HHIPL1: variants seen among roughly 807,000 people sequenced by gnomAD.
HHIPL1 encodes the protein HHIP-like protein 1.
Under a neutral mutation model 61.8 loss-of-function variants are expected in HHIPL1, and 43 were observed. The ratio of observed to expected loss-of-function variants is 0.70; its 90% CI spans 0.55 to 0.90. The LOEUF (loss-of-function observed/expected upper bound fraction) is 0.90. Ranked by LOEUF, HHIPL1 falls within the 40% of genes least tolerant of loss-of-function variation. HHIPL1 has a pLI of 0.00. For missense variants in HHIPL1, 1,056 were observed against 1,157.7 expected, an observed-to-expected ratio of 0.91 and a Z score of 1.28; for synonymous variants, 482 against 515.8, an observed-to-expected ratio of 0.93 and a Z score of 0.89.
In HHIPL1 at chr14:99,668,235, C is replaced by T. The variant is rs1200224720; in HGVS notation, c.1662C>T (p.Phe554=). Residue 554 remains phenylalanine, a synonymous_variant, in exon 7 of 9, where the codon TTC becomes TTT. Coordinates refer to ENST00000330710, the MANE Select transcript of HHIPL1 (RefSeq NM_001127258.3). This position sits in a 1 kb window ranked among gnomAD's most constrained non-coding sequence, Gnocchi z 4.7. ...TTCTGTCCAAAGGGGAGCTGTACTTCATGTCGACAGGGGAGCCGAGTGCCA... is the reference window on the plus strand; with the variant it reads ...TTCTGTCCAAAGGGGAGCTGTACTTTATGTCGACAGGGGAGCCGAGTGCCA... ...FGEDEAGELY[F]MSTGEPSATA... is the part of the protein sequence containing the mutation. The T allele has an allele frequency of 3.1e-6, 5 of 1,609,868 alleles. No individual in the cohort carries two copies. In the African/African-American group the frequency reaches 6.7e-5, roughly 22 times the overall value.
At chr14:99,626,139 C>T in the HHIPL1 span, among the ~76,000 whole-genome samples, 1 of 152,040 alleles carries the variant, frequency 6.6e-6, no homozygotes, top group Non-Finnish European at 1.5e-5. Flanking sequence ...GGTGGCCTCT[C>T]ATGATGTAGT....
chr14:99,657,039 C>G lies in HHIPL1; in HGVS notation c.942C>G (p.Asn314Lys), dbSNP rs142782592. The change falls in exon 3 of 9, where the codon AAC becomes AAG. Residue 314 changes from asparagine (N) to lysine (K), a missense_variant. By Grantham distance (94) the Asn-to-Lys change is moderately conservative. Transcript: ENST00000330710. ...TCAAAGAACCAGCCTCAAACCACAA[C>G]GGGGGCCAGCTGCTTTTCGGGGATG... ...LEVKEPASNH[N>K]GGQLLFGDDG... is the part of the protein sequence containing the mutation. The G allele has an allele frequency of 1.2e-6, 2 of 1,613,386 alleles. No homozygotes were observed. The highest frequency in any genetic ancestry group is 1.7e-6 in the Non-Finnish European group (2 of 1,179,672).
the HHIPL1 span, among the ~76,000 whole-genome samples, chr14:99,630,527 C>T: frequency 6.6e-6 from 1 of 152,192 alleles, no homozygotes; most frequent in Non-Finnish European, 1.5e-5. Flanking sequence ...GGGTTAATAA[C>T]AGTACTCACC....
intron 2 of HHIPL1, among the ~76,000 whole-genome samples, chr14:99,654,063 T>G (rs966299276): frequency 1.3e-5 from 2 of 151,672 alleles, no homozygotes; most frequent in African/African-American, 4.8e-5. Context: ...GTAGTGGTTA[T>G]CTGTAATCCC....
rs1455272202 is a variant in HHIPL1 at position 99,679,545 on chromosome 14, G to T, written c.*3919G>T. Reference sequence around the variant, plus strand: ...AGAGGTCACAACATCCCAGGCCCTAGACTGAGCCTAGGGGTCACCATGTTG... The same window carrying T: ...AGAGGTCACAACATCCCAGGCCCTATACTGAGCCTAGGGGTCACCATGTTG... On this transcript the variant is annotated 3_prime_UTR_variant, in exon 9 of 9. Transcript: ENST00000330710. 1.3e-5 allele frequency: 2 copies of T among 152,278 alleles called. No homozygotes were observed. The highest frequency in any genetic ancestry group is 2.9e-5 in the Non-Finnish European group (2 of 68,074). 9.4% of individuals were successfully genotyped at this position (152,278 alleles called of 1,614,324 possible). A position where few individuals can be genotyped will look rare whatever the true frequency, so the allele number is the denominator to read the frequency against.
At chr14:99,638,424 T>G in the HHIPL1 span, among the ~76,000 whole-genome samples, 4 of 152,188 alleles carry the variant, frequency 2.6e-5, no homozygotes, top group Non-Finnish European at 5.9e-5. Flanking sequence ...TAGCAGAGCC[T>G]GGTCTGCTGG....
chr14:99,638,438 C>A, the HHIPL1 span, among the ~76,000 whole-genome samples: 1 of 152,292 alleles, frequency 6.6e-6, no homozygotes, highest in South Asian at 2.1e-4. Context: ...CTGCTGGAGC[C>A]GATGCGTAGG....
At chr14:99,670,896 T>C (rs939916842) in intron 7 of HHIPL1, among the ~76,000 whole-genome samples, 3 of 152,210 alleles carry the variant, frequency 2.0e-5, no homozygotes, top group African/African-American at 7.2e-5. Flanking sequence ...GAGGAAATGC[T>C]ACATATACCA....
At chr14:99,632,596 A>G in the HHIPL1 span, among the ~76,000 whole-genome samples, 1 of 151,950 alleles carries the variant, frequency 6.6e-6, no homozygotes. Context: ...TCTGAGTGTT[A>G]GATCTCTATT....
upstream of HHIPL1, among the ~76,000 whole-genome samples, chr14:99,644,323 G>A (rs767828975): frequency 2.6e-5 from 4 of 152,188 alleles, no homozygotes; most frequent in Non-Finnish European, 5.9e-5. Context: ...AGGTCCACTT[G>A]AGAAAAATGC....
chr14:99,669,207 C>A, intron 7 of HHIPL1: 1 of 1,228,296 alleles, frequency 8.1e-7, no homozygotes, highest in Non-Finnish European at 1.0e-6. Context: ...AGAGGCCGCC[C>A]AGGTGCTGGG....
chr14:99,669,183 T>A (rs1378913197), intron 7 of HHIPL1: 1 of 1,290,052 alleles, frequency 7.8e-7, no homozygotes, highest in Non-Finnish European at 9.8e-7. Flanking sequence ...CAAGCCTGTA[T>A]CTCTTCACTC....
At chr14:99,663,094 G>T in intron 6 of HHIPL1, 73 bp downstream of exon 6, 1 of 1,413,444 alleles carries the variant, frequency 7.1e-7, no homozygotes, top group Non-Finnish European at 9.5e-7. Flanking sequence ...TGGTCCTTCT[G>T]GTCTCTGATG....
the HHIPL1 span, among the ~76,000 whole-genome samples, chr14:99,628,589 AAAAAAAAG>A: frequency 7.3e-5 from 11 of 151,678 alleles, no homozygotes; most frequent in African/African-American, 9.7e-5. Flanking sequence ...CTCAAAAAAA[AAAAAAAAG>A]AAAAAAAGAA....
At chr14:99,638,591 G>A in the HHIPL1 span, among the ~76,000 whole-genome samples, 1 of 152,162 alleles carries the variant, frequency 6.6e-6, no homozygotes, top group African/African-American at 2.4e-5. Flanking sequence ...GCCCCAGAGG[G>A]GCCAGCAAAG....
chr14:99,616,039 A>G, the HHIPL1 span, among the ~76,000 whole-genome samples: 1 of 152,258 alleles, frequency 6.6e-6, no homozygotes, highest in Non-Finnish European at 1.5e-5. Context: ...TCAGCTGGCC[A>G]TAATGTTTAT....
the HHIPL1 span, among the ~76,000 whole-genome samples, chr14:99,617,038 GC>G: frequency 6.6e-6 from 1 of 152,300 alleles, no homozygotes; most frequent in East Asian, 1.9e-4. Context: ...CCGAGAAGTG[GC>G]CCCAGAGCAG....
upstream of HHIPL1, among the ~76,000 whole-genome samples, chr14:99,641,384 C>G (rs1025060501): frequency 4.0e-5 from 6 of 150,284 alleles, no homozygotes; most frequent in East Asian, 1.2e-3. Context: ...TTTCACTGTA[C>G]TGTCTCTTGG....
chr14:99,650,807 G>A (rs1049885411), intron 1 of HHIPL1, among the ~76,000 whole-genome samples: 48 of 152,230 alleles, frequency 3.2e-4, no homozygotes, highest in African/African-American at 1.1e-3. Flanking sequence ...CTTCCCCCAC[G>A]GCCATGGCCA....
Sources: gnomAD v4.1 joint callset for allele counts (sites outside exome capture counted in the v4.1 genomes callset) on GRCh38, gnomAD v4.1.1 for gene constraint, Gnocchi (gnomAD v3.1) non-coding constraint, MANE v1.5 for transcripts, NCBI Gene and HGNC (gene_info 2026-07-23, HGNC 2026-07-21) for gene names.